LYPLAL1: variants seen among roughly 807,000 people sequenced by gnomAD.
LYPLAL1 encodes the protein lysophospholipase-like protein 1.
LYPLAL1 carries 23 observed loss-of-function variants against 19.7 expected under a neutral mutation model. The observed-to-expected ratio is 1.17, with a 90% CI of 0.84 to 1.65. The LOEUF (loss-of-function observed/expected upper bound fraction) is 1.65, where lower values mean the gene tolerates loss of function less well. Ranked by LOEUF, LYPLAL1 falls within the 40% of genes most tolerant of loss-of-function variation. LYPLAL1 has a pLI of 0.00. For synonymous variants in LYPLAL1, 119 were observed against 96.3 expected (o/e 1.24, Z -1.38); for missense variants, 355 against 279.4 (o/e 1.27, Z -1.93).
At chr1:219,309,777 A>G in the LYPLAL1 span, among the ~76,000 whole-genome samples, 1 of 152,158 alleles carries the variant, frequency 6.6e-6, no homozygotes, top group Non-Finnish European at 1.5e-5. Flanking sequence ...TCCCAGTCTC[A>G]GGTATGTCTT....
chr1:219,311,160 C>T, the LYPLAL1 span, among the ~76,000 whole-genome samples: 3 of 150,298 alleles, frequency 2.0e-5, no homozygotes, highest in Admixed American at 1.3e-4. Flanking sequence ...TTCTTTCTCC[C>T]TGAGTCTGGA....
chr1:219,330,708 T>C, the LYPLAL1 span, among the ~76,000 whole-genome samples: 1 of 152,194 alleles, frequency 6.6e-6, no homozygotes, highest in Admixed American at 6.5e-5. Flanking sequence ...TTTCACTTAC[T>C]CCACAGTTGA....
At chr1:219,385,300 A>G in the LYPLAL1 span, among the ~76,000 whole-genome samples, 47 of 152,298 alleles carry the variant, frequency 3.1e-4, no homozygotes, top group South Asian at 9.7e-3. Context: ...GTGGAAGGCT[A>G]AACTCCAGGG....
At chr1:219,194,862 G>T (rs1451850281) in intron 3 of LYPLAL1, among the ~76,000 whole-genome samples, 2 of 152,016 alleles carry the variant, frequency 1.3e-5, no homozygotes, top group East Asian at 3.9e-4. Flanking sequence ...TAGGTAGAGG[G>T]AATGATTTGT....
At chr1:219,433,670 A>G in the LYPLAL1 span, among the ~76,000 whole-genome samples, 2 of 152,214 alleles carry the variant, frequency 1.3e-5, no homozygotes, top group Non-Finnish European at 2.9e-5. Context: ...AAACAAGCAC[A>G]GTCATGAACA....
chr1:219,354,647 T>C, the LYPLAL1 span, among the ~76,000 whole-genome samples: 2 of 151,406 alleles, frequency 1.3e-5, no homozygotes, highest in Non-Finnish European at 2.9e-5. Context: ...AAAGTAGCTA[T>C]AGGAAAACAA....
At chr1:219,213,832 C>T (rs1321770415), downstream of LYPLAL1, among the ~76,000 whole-genome samples, 1 of 152,022 alleles carries the variant, frequency 6.6e-6, no homozygotes, top group African/African-American at 2.4e-5. Context: ...ATTATGTCAT[C>T]CACAAACTGA....
chr1:219,302,640 A>C, the LYPLAL1 span, among the ~76,000 whole-genome samples: 23 of 152,212 alleles, frequency 1.5e-4, no homozygotes, highest in Non-Finnish European at 2.8e-4. Flanking sequence ...TGGAGGACAC[A>C]TGAGAAAGGT....
chr1:219,299,140 C>CTTTTTTTTTTTTTT, the LYPLAL1 span, among the ~76,000 whole-genome samples: 5 of 129,494 alleles, frequency 3.9e-5, no homozygotes, highest in African/African-American at 5.8e-5. Context: ...CCTCCCCCAG[C>CTTTTTTTTTTTTTT]TTTTTTTTTT....
chr1:219,360,208 G>A, the LYPLAL1 span, among the ~76,000 whole-genome samples: 2 of 152,200 alleles, frequency 1.3e-5, no homozygotes, highest in Non-Finnish European at 2.9e-5. Context: ...TTAGAACCTT[G>A]AAAGCTTATC....
At chr1:219,356,485 G>A in the LYPLAL1 span, among the ~76,000 whole-genome samples, 1 of 152,134 alleles carries the variant, frequency 6.6e-6, no homozygotes, top group African/African-American at 2.4e-5. Context: ...GGGCAACAGA[G>A]TGATATGCCG....
the LYPLAL1 span, among the ~76,000 whole-genome samples, chr1:219,346,013 G>T: frequency 1.3e-5 from 2 of 152,162 alleles, no homozygotes; most frequent in African/African-American, 2.4e-5. Flanking sequence ...ACAAGGAAAG[G>T]CTGCCCTCTA....
At chr1:219,182,091 C>T (rs2125034013) in intron 2 of LYPLAL1, among the ~76,000 whole-genome samples, 1 of 152,128 alleles carries the variant, frequency 6.6e-6, no homozygotes, top group East Asian at 1.9e-4. Context: ...AATTGTTGTT[C>T]ATAAGGGGTT....
At chr1:219,431,572 C>T in the LYPLAL1 span, among the ~76,000 whole-genome samples, 1 of 152,336 alleles carries the variant, frequency 6.6e-6, no homozygotes, top group African/African-American at 2.4e-5. Flanking sequence ...TGGCACAGTG[C>T]CTGGCCTGTG....
intron 1 of LYPLAL1, 25 bp from the exon 2 acceptor site, chr1:219,179,122 T>A (rs1656052841): frequency 1.3e-6 from 2 of 1,502,304 alleles, no homozygotes; most frequent in African/African-American, 2.8e-5. Context: ...ATATTTATTT[T>A]AATCTAGATT....
the LYPLAL1 span, among the ~76,000 whole-genome samples, chr1:219,428,669 T>G: frequency 1.3e-5 from 2 of 152,234 alleles, no homozygotes; most frequent in Non-Finnish European, 2.9e-5. Context: ...AGTGGCTCTC[T>G]CTTATATCGA....
the LYPLAL1 span, among the ~76,000 whole-genome samples, chr1:219,324,085 T>A: frequency 6.6e-6 from 1 of 152,336 alleles, no homozygotes; most frequent in East Asian, 1.9e-4. Flanking sequence ...TTACCCACTG[T>A]AAGGCCCCTT....
chr1:219,403,119 T>C, the LYPLAL1 span, among the ~76,000 whole-genome samples: 1 of 152,214 alleles, frequency 6.6e-6, no homozygotes, highest in Admixed American at 6.5e-5. Context: ...ATCACCATCA[T>C]AGTAGTCAGA....
Position 219,211,494 on chromosome 1 carries a change from T to C in LYPLAL1, c.480T>C (p.Ala160=). The C allele has an allele frequency of 6.4e-7, 1 of 1,561,074 alleles. No homozygotes were observed. The highest frequency in any genetic ancestry group is 1.1e-5 in the South Asian group (1 of 87,302). ...TGTCTTTGTATCTTCTTCTCTAGGC[T>C]CTTCAGAAGAGTAATGGTGTACTTC... ...FLNKASAVYQ[A]LQKSNGVLPE... The change falls in exon 5 of 5, where the codon GCT becomes GCC. Residue 160 remains alanine, a splice_region_variant and synonymous_variant. Transcript: ENST00000366928.
Sources: allele counts gnomAD v4.1 joint callset (sites outside exome capture counted in the v4.1 genomes callset), GRCh38; gene constraint gnomAD v4.1.1; transcripts MANE v1.5; gene names NCBI Gene and HGNC (gene_info 2026-07-23, HGNC 2026-07-21).